Variants in OR4N2 observed in about 807,000 individuals in gnomAD.
The protein encoded by OR4N2 is olfactory receptor family 4 subfamily N member 2.
For missense variants in OR4N2, 307 were observed against 377.6 expected, an observed-to-expected ratio of 0.81 and a Z score of 1.55; for synonymous variants, 141 against 140.4, an observed-to-expected ratio of 1.00 and a Z score of -0.03.
rs1355522911 is a variant in OR4N2 at position 19,812,366 on chromosome 14, G to A, written c.-10+8522G>A. 4.9e-5 allele frequency among the ~76,000 whole-genome samples: 6 copies of A among 122,574 alleles called. No individual in the cohort carries two copies. The South Asian group carries it at 1.2e-3, about 25-fold the overall frequency. The allele number at this position is 122,574 out of a possible 152,430, so 80.4% of individuals were successfully genotyped here. ...TTTTGAGACAGAGTCTCGCTCTGTCGCCCAGGCTGGATCTCGACAGTGGCG... is the reference window on the plus strand; with the variant it reads ...TTTTGAGACAGAGTCTCGCTCTGTCACCCAGGCTGGATCTCGACAGTGGCG... On this transcript the variant is annotated intron_variant, in intron 1 of 1. Transcript: ENST00000557677.
chr14:19,825,710 C>T (rs1429236466), intron 1 of OR4N2, among the ~76,000 whole-genome samples: 2 of 152,122 alleles, frequency 1.3e-5, no homozygotes, highest in Non-Finnish European at 2.9e-5. Context: ...CAACCACCAC[C>T]ACGTCCAGCT....
At chr14:19,814,024 G>A (rs1879366798) in intron 1 of OR4N2, among the ~76,000 whole-genome samples, 1 of 151,130 alleles carries the variant, frequency 6.6e-6, no homozygotes, top group Non-Finnish European at 1.5e-5. Context: ...AAATAAATTA[G>A]AACAAATATA....
At chr14:19,819,857 G>A (rs1879519537) in intron 1 of OR4N2, among the ~76,000 whole-genome samples, 1 of 152,254 alleles carries the variant, frequency 6.6e-6, no homozygotes, top group Non-Finnish European at 1.5e-5. Flanking sequence ...GTGACCTTCA[G>A]TTGGGGTTTT....
chr14:19,822,693 A>G (rs1244314354), intron 1 of OR4N2, among the ~76,000 whole-genome samples: 1 of 152,254 alleles, frequency 6.6e-6, no homozygotes, highest in Non-Finnish European at 1.5e-5. Flanking sequence ...CTGTCCATTC[A>G]ATATAACTAC....
At chr14:19,817,785 G>A (rs1226860803) in intron 1 of OR4N2, among the ~76,000 whole-genome samples, 1 of 152,226 alleles carries the variant, frequency 6.6e-6, no homozygotes, top group Non-Finnish European at 1.5e-5. Flanking sequence ...ATGTTAGGGT[G>A]TCAATTTTAG....
At chr14:19,805,420 A>C (rs1396213849) in intron 1 of OR4N2, among the ~76,000 whole-genome samples, 4 of 152,224 alleles carry the variant, frequency 2.6e-5, no homozygotes, top group Non-Finnish European at 4.4e-5. Context: ...CTAGAGTTAA[A>C]AATTCACTAG....
intron 1 of OR4N2, among the ~76,000 whole-genome samples, chr14:19,819,193 G>C (rs1879500908): frequency 6.6e-6 from 1 of 152,170 alleles, no homozygotes; most frequent in African/African-American, 2.4e-5. Flanking sequence ...GAGTATCTTT[G>C]TGGTGTTCTC....
chr14:19,815,696 A>G lies in OR4N2; in HGVS notation c.-9-11744A>G, dbSNP rs536996900. Among the ~76,000 whole-genome samples the G allele has an allele frequency of 2.8e-5, 4 of 142,266 alleles. No individual in the cohort carries two copies. In the East Asian group the frequency reaches 8.0e-4, roughly 29 times the overall value. The allele number at this position is 142,266 out of a possible 152,430, so 93.3% of individuals were successfully genotyped here. A position where few individuals can be genotyped will look rare whatever the true frequency, so the allele number is the denominator to read the frequency against. On this transcript the variant is annotated intron_variant, in intron 1 of 1. Coordinates refer to ENST00000557677, the MANE Select transcript of OR4N2 (RefSeq NM_001004723.3). Reference sequence around the variant, plus strand: ...TTTTTTTTCTGTGCAGAAGCTCTTCAGTTTAATTAGATCTCATTTGTCAAT... The same window carrying G: ...TTTTTTTTCTGTGCAGAAGCTCTTCGGTTTAATTAGATCTCATTTGTCAAT...
At chr14:19,810,281 C>T (rs1321208100) in intron 1 of OR4N2, among the ~76,000 whole-genome samples, 10 of 152,114 alleles carry the variant, frequency 6.6e-5, no homozygotes, top group Non-Finnish European at 1.3e-4. Context: ...ACATCAAAAC[C>T]ACAACGAGAT....
intron 1 of OR4N2, among the ~76,000 whole-genome samples, chr14:19,806,453 C>T (rs1316392386): frequency 6.6e-6 from 1 of 151,950 alleles, no homozygotes; most frequent in Admixed American, 6.5e-5. Context: ...TGAAACAAGC[C>T]AACAACAATT....
chr14:19,820,816 G>A (rs2138476117), intron 1 of OR4N2, among the ~76,000 whole-genome samples: 1 of 152,094 alleles, frequency 6.6e-6, no homozygotes, highest in Non-Finnish European at 1.5e-5. Flanking sequence ...ACTTCAGAGT[G>A]CTGTGCTGGC....
rs188510500 is a variant in OR4N2, at chr14:19,828,657, T to A, written c.*285T>A. 1.5e-3 allele frequency: 481 copies of A among 329,334 alleles called. 1 individual carries two copies. The highest frequency in any genetic ancestry group is 9.8e-3 in the African/African-American group (453 of 46,422). The allele number at this position is 329,334 out of a possible 1,614,324, so 20.4% of individuals were successfully genotyped here. A position where few individuals can be genotyped will look rare whatever the true frequency, so the allele number is the denominator to read the frequency against. On this transcript the variant is annotated 3_prime_UTR_variant, in exon 2 of 2. Transcript: ENST00000557677. ...GAAAAGTGAAATGATAAATTGTGAC[T>A]CTGGATTGGGAGTAACCAATTTGTG...
intron 1 of OR4N2, among the ~76,000 whole-genome samples, chr14:19,819,919 G>T (rs1482762360): frequency 1.3e-5 from 2 of 152,268 alleles, no homozygotes; most frequent in African/African-American, 4.8e-5. Flanking sequence ...CTGTTTGTTA[G>T]TTTTCCTTCT....
chr14:19,824,976 A>C (rs1879655304), intron 1 of OR4N2, among the ~76,000 whole-genome samples: 2 of 152,384 alleles, frequency 1.3e-5, no homozygotes, highest in Admixed American at 1.3e-4. Context: ...TCAAGCGTCG[A>C]CTGTAGAAGG....
intron 1 of OR4N2, among the ~76,000 whole-genome samples, chr14:19,819,478 G>A (rs1317293692): frequency 6.6e-6 from 1 of 152,178 alleles, no homozygotes; most frequent in Non-Finnish European, 1.5e-5. Context: ...CCATCGATTT[G>A]GCTATTGATA....
Position 19,804,999 on chromosome 14 carries a change from G to A in OR4N2, c.-10+1155G>A, listed in dbSNP as rs1466297214. 2.6e-5 allele frequency among the ~76,000 whole-genome samples: 4 copies of A among 152,036 alleles called. No homozygotes were observed. In the South Asian group the frequency reaches 8.3e-4, roughly 32 times the overall value. On this transcript the variant is annotated intron_variant, in intron 1 of 1. Transcript: ENST00000557677. ...ATTGGTTTATAGTCTATTTTGTCTG[G>A]AATTAGAATCAGACCATTTGCTTTT... is the stretch of plus-strand genomic sequence containing the variant.
intron 1 of OR4N2, among the ~76,000 whole-genome samples, chr14:19,808,058 C>T (rs1178758485): frequency 6.6e-6 from 1 of 152,082 alleles, no homozygotes; most frequent in South Asian, 2.1e-4. Context: ...AAACCCTTAA[C>T]AGACTAGATT....
intron 1 of OR4N2, among the ~76,000 whole-genome samples, chr14:19,826,029 TA>T (rs1220662126): frequency 6.6e-6 from 1 of 152,256 alleles, no homozygotes; most frequent in Admixed American, 6.5e-5. Context: ...TATTTATTTA[TA>T]AAGTATATAT....
chr14:19,827,281 G>T (rs1268186276), intron 1 of OR4N2, among the ~76,000 whole-genome samples, 159 bp from the exon 2 acceptor site: 1 of 152,266 alleles, frequency 6.6e-6, no homozygotes, highest in Non-Finnish European at 1.5e-5. Flanking sequence ...TAAATTTGGA[G>T]AAATTAAGGT....
Sources: gnomAD v4.1 joint callset for allele counts (sites outside exome capture counted in the v4.1 genomes callset) on GRCh38, gnomAD v4.1.1 for gene constraint, MANE v1.5 for transcripts, NCBI Gene and HGNC (gene_info 2026-07-23, HGNC 2026-07-21) for gene names.